Variants in PTPN14 observed in about 807,000 individuals in gnomAD.
The protein encoded by PTPN14 is tyrosine-protein phosphatase non-receptor type 14.
Under a neutral mutation model 126.8 loss-of-function variants are expected in PTPN14, and 53 were observed. That is an observed-to-expected ratio of 0.42 (90% CI 0.34 to 0.53). The LOEUF (loss-of-function observed/expected upper bound fraction) is 0.53. PTPN14 is among the 20% of genes least tolerant of loss of function. The pLI, the probability that PTPN14 is intolerant of heterozygous loss-of-function variation, is 0.08. For synonymous variants in PTPN14, 630 were observed against 599.3 expected, an observed-to-expected ratio of 1.05 and a Z score of -0.75; for missense variants, 1,257 against 1,552.9, an observed-to-expected ratio of 0.81 and a Z score of 3.20.
intron 1 of PTPN14, among the ~76,000 whole-genome samples, chr1:214,498,152 C>T (rs79925437): frequency 0.056 from 8,564 of 152,170 alleles, 271 homozygotes; most frequent in Middle Eastern, 0.13. Flanking sequence ...ACTAAGAAAA[C>T]AGTATCTACT....
chr1:214,381,890 C>A (rs1051847677), intron 13 of PTPN14, among the ~76,000 whole-genome samples: 2 of 152,114 alleles, frequency 1.3e-5, no homozygotes, highest in Non-Finnish European at 2.9e-5. Context: ...ATGTTCATGG[C>A]AAGCAGCAAT....
chr1:214,521,008 C>T (rs185183672), intron 1 of PTPN14, among the ~76,000 whole-genome samples: 29 of 152,176 alleles, frequency 1.9e-4, no homozygotes, highest in Non-Finnish European at 3.4e-4. Flanking sequence ...CTAACAGCTC[C>T]ACATGTCATT....
intron 3 of PTPN14, among the ~76,000 whole-genome samples, chr1:214,424,343 G>A (rs529863805): frequency 3.3e-5 from 5 of 151,588 alleles, no homozygotes; most frequent in South Asian, 2.1e-4. Context: ...TTAAAAGAAC[G>A]TTTGAAAACA....
At chr1:214,359,184 G>T (rs1400438385) in intron 18 of PTPN14, among the ~76,000 whole-genome samples, 1 of 151,746 alleles carries the variant, frequency 6.6e-6, no homozygotes, top group Non-Finnish European at 1.5e-5. Context: ...GTCCTACTTG[G>T]AGTAAAAGCC....
At chr1:214,425,676 ACAC>A (rs1455743377) in intron 3 of PTPN14, among the ~76,000 whole-genome samples, 1 of 152,178 alleles carries the variant, frequency 6.6e-6, no homozygotes, top group Non-Finnish European at 1.5e-5. Flanking sequence ...TAATAAAAAC[ACAC>A]CACATGTCTA....
intron 1 of PTPN14, among the ~76,000 whole-genome samples, chr1:214,471,025 C>CA (rs71165976): frequency 0.028 from 3,594 of 129,262 alleles, 175 homozygotes; most frequent in African/African-American, 0.098. Context: ...AATTCCATCT[C>CA]AAAAAAAAAA....
intron 3 of PTPN14, among the ~76,000 whole-genome samples, chr1:214,421,005 A>C (rs1369316441): frequency 6.6e-6 from 1 of 152,244 alleles, no homozygotes; most frequent in African/African-American, 2.4e-5. Flanking sequence ...CAGTTCCTTC[A>C]GAAGTTAAAC....
intron 1 of PTPN14, among the ~76,000 whole-genome samples, chr1:214,549,722 C>A (rs146084284): frequency 2.0e-5 from 3 of 152,134 alleles, no homozygotes; most frequent in Non-Finnish European, 4.4e-5. Flanking sequence ...TTAATGAAAC[C>A]GAGCATGGGC....
At chr1:214,417,866 C>T (rs542276647) in intron 3 of PTPN14, among the ~76,000 whole-genome samples, 2 of 152,190 alleles carry the variant, frequency 1.3e-5, no homozygotes, top group African/African-American at 4.8e-5. Context: ...GTTCAGCAGA[C>T]GTGCCCAAAA....
rs1242544329 is a variant in PTPN14, at chr1:214,451,841, A to G, written c.308T>C (p.Val103Ala). 1.1e-5 allele frequency: 18 copies of G among 1,614,106 alleles called. No individual in the cohort carries two copies. The highest frequency in any genetic ancestry group is 1.3e-5 in the Non-Finnish European group (15 of 1,180,038). The change falls in exon 3 of 19, where the codon GTG becomes GCG. Residue 103 changes from valine to alanine, a missense_variant. This residue lies in a region of PTPN14 where 1,021 missense variants were observed against 1,183.3 expected (regional missense o/e 0.86). Transcript: ENST00000366956. ...TTGCTGAAGCCATGACACATTTGGC[A>G]CATAGAACATGACTCCAAAGAAAAG... ...PLLFFGVMFYVPNVSWLQQEA... is the reference protein window; with the variant it reads ...PLLFFGVMFYAPNVSWLQQEA...
chr1:214,510,535 C>T (rs778643752), intron 1 of PTPN14, among the ~76,000 whole-genome samples: 1 of 152,194 alleles, frequency 6.6e-6, no homozygotes, highest in South Asian at 2.1e-4. Context: ...TTTAGTTTTT[C>T]AATCCTTTCT....
Position 214,520,065 on chromosome 1 carries a change from A to AAAATAT in PTPN14, c.-155+31117_-155+31118insATATTT. Among the ~76,000 whole-genome samples the AAAATAT allele has an allele frequency of 3.3e-3, 236 of 71,094 alleles. 2 individuals are homozygous for AAAATAT. The highest frequency in any genetic ancestry group is 0.016 in the African/African-American group (215 of 13,674). 46.6% of individuals were successfully genotyped at this position (71,094 alleles called of 152,430 possible). The stretch of plus-strand genomic sequence containing the variant: ...CCTGTCTCAAAAAAAAAAAAAAAAA[A>AAAATAT]ATATATATATATATATATGCAGAAT... On this transcript the variant is annotated intron_variant, in intron 1 of 18. Coordinates refer to ENST00000366956, the MANE Select transcript of PTPN14 (RefSeq NM_005401.5).
At position 214,386,201 on chromosome 1, in the gene PTPN14, A is replaced by G. The variant is rs139133903; in HGVS notation, c.1066+643T>C. 6.8e-3 allele frequency among the ~76,000 whole-genome samples: 1,031 copies of G among 152,354 alleles called. 12 individuals carry two copies. The highest frequency in any genetic ancestry group is 0.023 in the African/African-American group (968 of 41,570). On this transcript the variant is annotated intron_variant, in intron 12 of 18. Coordinates refer to ENST00000366956, the MANE Select transcript of PTPN14 (RefSeq NM_005401.5). ...CCTATAGGTTTATTTTAAGGATGACATAAGACAATATATAGCAAGTACTTA... is the reference window on the plus strand; with the variant it reads ...CCTATAGGTTTATTTTAAGGATGACGTAAGACAATATATAGCAAGTACTTA...
intron 9 of PTPN14, among the ~76,000 whole-genome samples, chr1:214,394,211 G>C (rs1658823451): frequency 6.6e-6 from 1 of 152,188 alleles, no homozygotes; most frequent in Non-Finnish European, 1.5e-5. Context: ...CTAAGGCTAT[G>C]ATGGGAAAGA....
chr1:214,463,104 T>A (rs1660547264), intron 2 of PTPN14, among the ~76,000 whole-genome samples: 1 of 152,182 alleles, frequency 6.6e-6, no homozygotes, highest in African/African-American at 2.4e-5. Flanking sequence ...GTCCAGTGCC[T>A]ATACTTGTAA....
At chr1:214,476,441 T>C (rs1660870343) in intron 1 of PTPN14, among the ~76,000 whole-genome samples, 1 of 152,152 alleles carries the variant, frequency 6.6e-6, no homozygotes, top group Non-Finnish European at 1.5e-5. Flanking sequence ...GGAGAGACAG[T>C]TGTTGCTTGT....
At chr1:214,418,663 C>T (rs938740066) in intron 3 of PTPN14, among the ~76,000 whole-genome samples, 2 of 152,260 alleles carry the variant, frequency 1.3e-5, no homozygotes, top group African/African-American at 4.8e-5. Flanking sequence ...CTTTTCTCCA[C>T]CCCTACTTAG....
At chr1:214,443,699 C>G (rs1048286295) in intron 3 of PTPN14, among the ~76,000 whole-genome samples, 4 of 151,958 alleles carry the variant, frequency 2.6e-5, no homozygotes, top group African/African-American at 9.7e-5. Flanking sequence ...GTTGAAAAAC[C>G]AAAAAACTTC....
At chr1:214,503,061 A>G (rs1206851004) in intron 1 of PTPN14, among the ~76,000 whole-genome samples, 3 of 152,224 alleles carry the variant, frequency 2.0e-5, no homozygotes, top group Non-Finnish European at 4.4e-5. Context: ...ATTAAATGAG[A>G]GATTCAGAGT....
Sources: gnomAD v4.1 joint callset for allele counts (sites outside exome capture counted in the v4.1 genomes callset) on GRCh38, gnomAD v4.1.1 for gene constraint, gnomAD v4.1.1 regional missense constraint, MANE v1.5 for transcripts, NCBI Gene and HGNC (gene_info 2026-07-23, HGNC 2026-07-21) for gene names.